CYLC2: variants seen among roughly 807,000 people sequenced by gnomAD.
CYLC2 encodes cylicin 2, also known as cylicin-2.
CYLC2 carries 30 observed loss-of-function variants against 26.1 expected under a neutral mutation model. That is an observed-to-expected ratio of 1.15 (90% CI 0.86 to 1.56). CYLC2 has a LOEUF of 1.56. Ranked by LOEUF, CYLC2 falls within the 40% of genes most tolerant of loss-of-function variation. CYLC2 has a pLI of 0.00. For missense variants in CYLC2, 498 were observed against 394.4 expected (o/e 1.26, Z -2.23); for synonymous variants, 158 against 132.8 (o/e 1.19, Z -1.31).
rs1427253881 is a variant in CYLC2 at position 103,018,333 on chromosome 9, T to G, written c.*899T>G. On this transcript the variant is annotated 3_prime_UTR_variant, in exon 8 of 8. Transcript: ENST00000374798. ...ATTTGATTGTGTTCCAGGACTACCG[T>G]GAGGATGGATTGGACATTACACCAC... The G allele has an allele frequency of 6.6e-6, 1 of 152,034 alleles. No homozygotes were observed. The highest frequency in any genetic ancestry group is 6.6e-5 in the Admixed American group (1 of 15,214). The allele number at this position is 152,034 out of a possible 1,614,324, so 9.4% of individuals were successfully genotyped here.
In CYLC2 at chr9:103,015,360, CAT is replaced by C. The variant is rs1046228689; in HGVS notation, c.*817-1525_*817-1524del. On this transcript the variant is annotated intron_variant, in intron 6 of 7. Transcript: ENST00000374798. ...TTATGTTATATATATTATATATAATCATATTATATAATGTAATATATATTAAA... is the reference window on the plus strand; with the variant it reads ...TTATGTTATATATATTATATATAATCATTATATAATGTAATATATATTAAA... Among the ~76,000 whole-genome samples the C allele has an allele frequency of 1.6e-4, 18 of 111,140 alleles. No individual in the cohort carries two copies. In the East Asian group the frequency reaches 2.2e-3, roughly 13 times the overall value. The allele number at this position is 111,140 out of a possible 152,430, so 72.9% of individuals were successfully genotyped here.
At chr9:102,998,496 T>A (rs1378575558) in intron 1 of CYLC2, among the ~76,000 whole-genome samples, 1 of 151,912 alleles carries the variant, frequency 6.6e-6, no homozygotes, top group African/African-American at 2.4e-5. Context: ...AGGAAAGAGA[T>A]GCTCTCACCA....
At position 103,005,003 on chromosome 9, in the gene CYLC2, G is replaced by A; in HGVS notation, c.372G>A (p.Gln124=). Residue 124 remains glutamine, a synonymous_variant, in exon 5 of 8, where the codon CAG becomes CAA. Transcript: ENST00000374798. ...IGKKGEDKTT[Q]KDTTDSESEL... ...AGAAAGGTGAAGACAAGACAACACA[G>A]AAGGACACAACAGATTCGGAATCAG... is the stretch of plus-strand genomic sequence containing the variant. 1 of 1,588,924 alleles carries A rather than the reference G, an allele frequency of 6.3e-7. No individual in the cohort carries two copies. The highest frequency in any genetic ancestry group is 2.2e-5 in the East Asian group (1 of 44,752).
chr9:103,000,587 C>A (rs1361931099), intron 1 of CYLC2, among the ~76,000 whole-genome samples: 2 of 151,960 alleles, frequency 1.3e-5, no homozygotes, highest in Non-Finnish European at 2.9e-5. Flanking sequence ...TTGGTGAAAA[C>A]ATATTAAATA....
chr9:102,999,487 A>C (rs1829267705), intron 1 of CYLC2, among the ~76,000 whole-genome samples: 1 of 151,816 alleles, frequency 6.6e-6, no homozygotes, highest in Non-Finnish European at 1.5e-5. Flanking sequence ...TATGAAACAA[A>C]ATAGGATCTG....
intron 6 of CYLC2, among the ~76,000 whole-genome samples, chr9:103,016,157 G>A (rs971494119): frequency 1.3e-5 from 2 of 151,414 alleles, no homozygotes; most frequent in African/African-American, 4.9e-5. Context: ...TTTTCTATCT[G>A]GTATATTAAA....
rs1564097612 is a variant in CYLC2, at chr9:103,004,944, G to T, written c.338-25G>T. ...TCAAGTTTGGATTTTCCCATTTTAA[G>T]AAATATTTGAATATTTATCCCCAGA... On this transcript the variant is annotated intron_variant, in intron 4 of 7. Coordinates refer to ENST00000374798, the MANE Select transcript of CYLC2 (RefSeq NM_001340.5). 5.7e-6 allele frequency: 9 copies of T among 1,575,044 alleles called. No individual in the cohort carries two copies. In the East Asian group the frequency reaches 1.8e-4, roughly 31 times the overall value.
chr9:103,013,841 A>G (rs1159017773), intron 6 of CYLC2, among the ~76,000 whole-genome samples: 1 of 112,298 alleles, frequency 8.9e-6, no homozygotes, highest in Non-Finnish European at 1.6e-5. Context: ...ATATATAATA[A>G]AGATAATACA....
chr9:103,016,766 C>T (rs941611275), intron 6 of CYLC2, 122 bp from the exon 7 acceptor site: 1 of 151,910 alleles, frequency 6.6e-6, no homozygotes, highest in Non-Finnish European at 1.5e-5. Flanking sequence ...GGTAAAGTAA[C>T]TTAATGGCAT....
chr9:103,017,946 C>T (rs1443740252), intron 7 of CYLC2, among the ~76,000 whole-genome samples: 3 of 151,968 alleles, frequency 2.0e-5, no homozygotes, highest in Admixed American at 6.6e-5. Flanking sequence ...TACGGTCCAT[C>T]TTAATGACCT....
chr9:103,009,922 T>C (rs1045434381), intron 5 of CYLC2, among the ~76,000 whole-genome samples: 3 of 149,962 alleles, frequency 2.0e-5, no homozygotes, highest in South Asian at 2.1e-4. Flanking sequence ...TATGTGTATA[T>C]ACACACATAT....
intron 6 of CYLC2, among the ~76,000 whole-genome samples, chr9:103,014,695 A>C (rs1404597788): frequency 3.7e-4 from 47 of 128,294 alleles, no homozygotes; most frequent in African/African-American, 4.3e-4. Context: ...TATGTAATAT[A>C]CGTATGTATA....
rs2118242414 is a variant in CYLC2, at chr9:103,006,032, AC to A, written c.*355del. 8.8e-6 allele frequency: 1 copy of A among 113,250 alleles called. No homozygotes were observed. The highest frequency in any genetic ancestry group is 3.2e-4 in the East Asian group (1 of 3,152). 7.0% of individuals were successfully genotyped at this position (113,250 alleles called of 1,614,324 possible). A position where few individuals can be genotyped will look rare whatever the true frequency, so the allele number is the denominator to read the frequency against. ...TAAATCTATGGACACACACACACACACACACACACACACACACACACACACA... is the reference window on the plus strand; with the variant it reads ...TAAATCTATGGACACACACACACACAACACACACACACACACACACACACA... On this transcript the variant is annotated 3_prime_UTR_variant, in exon 5 of 8. Coordinates refer to ENST00000374798, the MANE Select transcript of CYLC2 (RefSeq NM_001340.5).
chr9:103,015,112 A>AAT (rs1829483171), intron 6 of CYLC2, among the ~76,000 whole-genome samples: 1 of 58,712 alleles, frequency 1.7e-5, no homozygotes, highest in African/African-American at 6.4e-5. Flanking sequence ...TGATATACAT[A>AAT]ACATGTATAT....
At chr9:102,998,957 C>T (rs776054614) in intron 1 of CYLC2, among the ~76,000 whole-genome samples, 14 of 151,754 alleles carry the variant, frequency 9.2e-5, no homozygotes, top group Non-Finnish European at 1.9e-4. Flanking sequence ...TTATTCCTTT[C>T]GATTGCTAAG....
intron 6 of CYLC2, among the ~76,000 whole-genome samples, chr9:103,014,603 G>A (rs555953392): frequency 3.5e-5 from 5 of 141,552 alleles, no homozygotes; most frequent in South Asian, 4.4e-4. Context: ...ATATTATGCA[G>A]TATACATCAT....
At chr9:103,003,085 C>G in intron 2 of CYLC2, 57 bp from the exon 3 acceptor site, 1 of 1,595,178 alleles carries the variant, frequency 6.3e-7, no homozygotes, top group Non-Finnish European at 8.6e-7. Flanking sequence ...AATGCCATTT[C>G]AGCTCTGATG....
At position 103,005,881 on chromosome 9, in the gene CYLC2, G is replaced by GT. The variant is rs887460927; in HGVS notation, c.*203_*204insT. ...AAGAAAGATGTTAAGAAAAATTAAG[G>GT]GGGGATCCATTGAAAGACTTGAAGA... is the stretch of plus-strand genomic sequence containing the variant. On this transcript the variant is annotated 3_prime_UTR_variant, in exon 5 of 8. Transcript: ENST00000374798. 24 of 554,650 alleles carry GT rather than the reference G, an allele frequency of 4.3e-5. No homozygotes were observed. Among genetic ancestry groups the GT allele is most frequent in the African/African-American group, 4.2e-4 (22 of 52,258 alleles). The allele number at this position is 554,650 out of a possible 1,614,324, so 34.4% of individuals were successfully genotyped here. A position where few individuals can be genotyped will look rare whatever the true frequency, so the allele number is the denominator to read the frequency against.
chr9:103,013,271 TTA>T (rs1230815081), intron 6 of CYLC2, among the ~76,000 whole-genome samples: 9 of 101,444 alleles, frequency 8.9e-5, no homozygotes, highest in Non-Finnish European at 1.2e-4. Flanking sequence ...GTTATATATA[TTA>T]TATATAACAC....
Sources: allele counts gnomAD v4.1 joint callset (sites outside exome capture counted in the v4.1 genomes callset), GRCh38; gene constraint gnomAD v4.1.1; transcripts MANE v1.5; gene names NCBI Gene and HGNC (gene_info 2026-07-23, HGNC 2026-07-21).